AP3B1: variants seen among roughly 807,000 people sequenced by gnomAD.
AP3B1 encodes adaptor related protein complex 3 subunit beta 1.
Under a neutral mutation model 132.5 loss-of-function variants are expected in AP3B1, and 61 were observed. The observed-to-expected ratio is 0.46, with a 90% CI of 0.37 to 0.57. The LOEUF (loss-of-function observed/expected upper bound fraction) is 0.57, where lower values mean the gene tolerates loss of function less well. AP3B1 is among the 20% of genes least tolerant of loss of function. AP3B1 has a pLI of 0.00. For missense variants in AP3B1, 1,120 were observed against 1,289.4 expected (o/e 0.87, Z 2.01); for synonymous variants, 388 against 438.3 (o/e 0.89, Z 1.43).
chr5:78,203,967 C>A (rs1222718345), intron 7 of AP3B1, among the ~76,000 whole-genome samples: 2 of 152,174 alleles, frequency 1.3e-5, no homozygotes, highest in African/African-American at 4.8e-5. Context: ...CATACTGATA[C>A]TCTCTACTTG....
intron 22 of AP3B1, among the ~76,000 whole-genome samples, chr5:78,054,306 A>C (rs891927383): frequency 2.6e-5 from 4 of 152,174 alleles, no homozygotes; most frequent in Non-Finnish European, 4.4e-5. Context: ...TGGGCCAGAG[A>C]GATTATGTAT....
intron 1 of AP3B1, among the ~76,000 whole-genome samples, chr5:78,294,131 C>T (rs964902701): frequency 2.0e-5 from 3 of 152,200 alleles, no homozygotes; most frequent in Non-Finnish European, 4.4e-5. Flanking sequence ...GAAGACGATG[C>T]TCAAAATTCA....
At chr5:78,170,757 T>C (rs1256418169) in intron 11 of AP3B1, among the ~76,000 whole-genome samples, 2 of 152,230 alleles carry the variant, frequency 1.3e-5, no homozygotes, top group Non-Finnish European at 1.5e-5. Flanking sequence ...TTTGTCTATT[T>C]TGGCTTTTGT....
At position 78,162,941 on chromosome 5, in the gene AP3B1, T is replaced by G. The variant is rs778910104; in HGVS notation, c.1241A>C (p.Lys414Thr). ...TLLREFQTYV[K>T]SQDKQFAAAT... Reference sequence around the variant, plus strand: ...TGCTGCAAATTGTTTATCCTGGCTTTTCACATAGGTCTAAAAGATATTATT... The same window carrying G: ...TGCTGCAAATTGTTTATCCTGGCTTGTCACATAGGTCTAAAAGATATTATT... Residue 414 changes from lysine (K) to threonine (T), a missense_variant, in exon 13 of 27, where the codon AAA (lysine) becomes ACA (threonine). This residue lies in a region of AP3B1 where 906 missense variants were observed against 997.1 expected (regional missense o/e 0.91). Coordinates refer to ENST00000255194, the MANE Select transcript of AP3B1 (RefSeq NM_003664.5). 2 of 1,613,794 alleles carry G rather than the reference T, an allele frequency of 1.2e-6. No individual in the cohort carries two copies. The highest frequency in any genetic ancestry group is 1.6e-4 in the Middle Eastern group (1 of 6,062).
intron 13 of AP3B1, among the ~76,000 whole-genome samples, chr5:78,157,018 C>A (rs967144122): frequency 6.6e-6 from 1 of 152,174 alleles, no homozygotes; most frequent in Non-Finnish European, 1.5e-5. Context: ...TCTGCCTCAA[C>A]CAGACTCCCT....
intron 24 of AP3B1, 130 bp downstream of exon 24, chr5:78,034,231 A>G (rs545111308): frequency 8.9e-5 from 67 of 753,914 alleles, no homozygotes; most frequent in Middle Eastern, 3.7e-4. Context: ...CAGTCTAAAC[A>G]TTATCAAAGC....
At chr5:78,019,612 C>A (rs1747007386) in intron 25 of AP3B1, among the ~76,000 whole-genome samples, 1 of 152,020 alleles carries the variant, frequency 6.6e-6, no homozygotes. Context: ...ATCAACTTTC[C>A]AAGAAATGCA....
Position 78,270,164 on chromosome 5 carries a change from G to A in AP3B1, c.129-2569C>T, listed in dbSNP as rs1006181344. On this transcript the variant is annotated intron_variant, in intron 1 of 26. Transcript: ENST00000255194. ...TGACCTCAGGTGATCCACCAACCTC[G>A]GCCTCCCAAAGTGCTATGATTACAG... is the stretch of plus-strand genomic sequence containing the variant. Among the ~76,000 whole-genome samples, 10 of 151,956 alleles carry A rather than the reference G, an allele frequency of 6.6e-5. No individual in the cohort carries two copies. The East Asian group carries it at 1.2e-3, about 18-fold the overall frequency.
chr5:78,086,202 T>A (rs1248046355), intron 22 of AP3B1, among the ~76,000 whole-genome samples: 1 of 152,206 alleles, frequency 6.6e-6, no homozygotes, highest in Non-Finnish European at 1.5e-5. Context: ...GAATCCATAG[T>A]AATTTTCATG....
At chr5:78,084,728 G>A (rs1198861830) in intron 22 of AP3B1, among the ~76,000 whole-genome samples, 1 of 151,768 alleles carries the variant, frequency 6.6e-6, no homozygotes, top group Admixed American at 6.6e-5. Flanking sequence ...AAAATATGCA[G>A]AAGAAAATTA....
intron 5 of AP3B1, 38 bp from the exon 6 acceptor site, chr5:78,225,646 T>A: frequency 7.5e-7 from 1 of 1,324,640 alleles, no homozygotes; most frequent in Non-Finnish European, 1.1e-6. Context: ...TTTTTCCCTT[T>A]AATTCTAGCT....
intron 22 of AP3B1, among the ~76,000 whole-genome samples, chr5:78,054,993 T>A (rs1383278508): frequency 1.4e-5 from 2 of 146,028 alleles, no homozygotes; most frequent in African/African-American, 5.1e-5. Flanking sequence ...CCTGAGACCA[T>A]AAGACAGACA....
At chr5:78,026,832 G>C (rs1747358778) in intron 24 of AP3B1, among the ~76,000 whole-genome samples, 1 of 152,034 alleles carries the variant, frequency 6.6e-6, no homozygotes, top group South Asian at 2.1e-4. Flanking sequence ...CTATCTGATG[G>C]GTAAAATGTT....
chr5:78,117,020 C>T (rs1184210383), intron 17 of AP3B1, among the ~76,000 whole-genome samples: 1 of 152,086 alleles, frequency 6.6e-6, no homozygotes, highest in Admixed American at 6.5e-5. Context: ...CCACAACTGT[C>T]CCCGTCGCCT....
chr5:78,174,239 T>C (rs1561457214), intron 11 of AP3B1, among the ~76,000 whole-genome samples: 1 of 152,234 alleles, frequency 6.6e-6, no homozygotes, highest in Non-Finnish European at 1.5e-5. Flanking sequence ...GGTGAGGAGC[T>C]GCAATCCTTT....
At chr5:78,141,692 T>C (rs1753153312) in intron 14 of AP3B1, among the ~76,000 whole-genome samples, 1 of 152,162 alleles carries the variant, frequency 6.6e-6, no homozygotes, top group African/African-American at 2.4e-5. Context: ...GTGAAGACCA[T>C]ATGGTCCTCA....
chr5:78,139,002 C>T (rs778551349), intron 15 of AP3B1, among the ~76,000 whole-genome samples: 12 of 119,422 alleles, frequency 1.0e-4, no homozygotes, highest in Non-Finnish European at 1.9e-4. Context: ...ACTTCAGAAA[C>T]TGAGCTCCAA....
chr5:78,236,337 C>A (rs541485680), intron 3 of AP3B1, among the ~76,000 whole-genome samples: 3 of 144,756 alleles, frequency 2.1e-5, no homozygotes, highest in African/African-American at 7.8e-5. Context: ...TCATTTCTAC[C>A]CATAACTAAA....
intron 7 of AP3B1, among the ~76,000 whole-genome samples, chr5:78,210,568 C>T (rs958863520): frequency 1.3e-5 from 2 of 152,106 alleles, no homozygotes; most frequent in African/African-American, 4.8e-5. Context: ...ACCAGAATTA[C>T]ATAACCCGGA....
Sources: gnomAD v4.1 joint callset for allele counts (sites outside exome capture counted in the v4.1 genomes callset) on GRCh38, gnomAD v4.1.1 for gene constraint, gnomAD v4.1.1 regional missense constraint, MANE v1.5 for transcripts, NCBI Gene and HGNC (gene_info 2026-07-23, HGNC 2026-07-21) for gene names.